Variants in FDFT1 observed in about 807,000 individuals in gnomAD.
FDFT1 encodes the protein farnesyl-diphosphate farnesyltransferase 1, also known as squalene synthase.
Under a neutral mutation model 46.8 loss-of-function variants are expected in FDFT1, and 68 were observed. The observed-to-expected ratio is 1.45, with a 90% CI of 1.19 to 1.78. The LOEUF (loss-of-function observed/expected upper bound fraction) is 1.78. Among genes scored for constraint, FDFT1 ranks in the 40% most tolerant of loss-of-function variants. The pLI, the probability that FDFT1 is intolerant of heterozygous loss-of-function variation, is 0.00. For synonymous variants in FDFT1, 351 were observed against 185.1 expected (o/e 1.90, Z -7.28); for missense variants, 928 against 524.4 (o/e 1.77, Z -7.52).
At position 11,838,372 on chromosome 8, in the gene FDFT1, C is replaced by A. The variant is rs1234031674; in HGVS notation, c.1033-16C>A. On this transcript the variant is annotated splice_polypyrimidine_tract_variant and intron_variant, in intron 7 of 7. Transcript: ENST00000220584. ...AAGCACATAGCACTTATCATTTTTT[C>A]CTGTGTCTTTAACAGATTTATCATA... 6.2e-7 allele frequency: 1 copy of A among 1,600,442 alleles called. No homozygotes were observed. The highest frequency in any genetic ancestry group is 8.6e-7 in the Non-Finnish European group (1 of 1,167,906).
chr8:11,809,847 A>G lies in FDFT1; in HGVS notation c.378A>G (p.Pro126=). ...ATCGCCAGGTGCTGGAGGACTTCCC[A>G]ACGGTGAGTGGGGTTACGCATCTTG... is the stretch of plus-strand genomic sequence containing the variant. The part of the protein sequence containing the change: ...EKDRQVLEDF[P]TISLEFRNLA... Residue 126 remains proline (P), a synonymous_variant, in exon 3 of 8, where the codon CCA becomes CCG. Transcript: ENST00000220584. 1 of 1,611,656 alleles carries G rather than the reference A, an allele frequency of 6.2e-7. No individual in the cohort carries two copies. Among genetic ancestry groups the G allele is most frequent in the Non-Finnish European group, 8.5e-7 (1 of 1,178,246 alleles).
chr8:11,819,296 C>T (rs926146666), intron 3 of FDFT1, among the ~76,000 whole-genome samples: 2 of 152,168 alleles, frequency 1.3e-5, no homozygotes, highest in African/African-American at 4.8e-5. Flanking sequence ...TCCTTCATTT[C>T]AACGTTGGTG....
intron 2 of FDFT1, chr8:11,809,412 A>C: frequency 8.2e-7 from 1 of 1,222,112 alleles, no homozygotes; most frequent in South Asian, 2.6e-5. Flanking sequence ...CATTGGTTAA[A>C]TGCAACTCAC....
chr8:11,825,764 T>C (rs1809882764), intron 4 of FDFT1, among the ~76,000 whole-genome samples: 1 of 152,092 alleles, frequency 6.6e-6, no homozygotes, highest in Non-Finnish European at 1.5e-5. Context: ...TAGCAGTACA[T>C]GTGTATTGTA....
intron 1 of FDFT1, among the ~76,000 whole-genome samples, chr8:11,805,799 C>T (rs1806757446): frequency 6.6e-6 from 1 of 152,186 alleles, no homozygotes; most frequent in South Asian, 2.1e-4. Flanking sequence ...GTTGTATATG[C>T]ATTTTATTGC....
chr8:11,834,940 A>G (rs1228104429), intron 7 of FDFT1, among the ~76,000 whole-genome samples: 3 of 152,172 alleles, frequency 2.0e-5, no homozygotes, highest in Admixed American at 6.5e-5. Flanking sequence ...CCTGGCCAAT[A>G]TGGCAAAACC....
upstream of FDFT1, among the ~76,000 whole-genome samples, chr8:11,800,351 C>T (rs954298363): frequency 1.6e-4 from 24 of 149,708 alleles, no homozygotes; most frequent in African/African-American, 4.2e-4. Context: ...AAAGGGTACA[C>T]TCGCCAGCAG....
At chr8:11,831,024 T>G (rs1276408858) in intron 6 of FDFT1, among the ~76,000 whole-genome samples, 1 of 152,220 alleles carries the variant, frequency 6.6e-6, no homozygotes, top group Non-Finnish European at 1.5e-5. Flanking sequence ...GTCTTATGTT[T>G]CCATTTACCT....
chr8:11,813,435 G>A (rs978237374), intron 3 of FDFT1, among the ~76,000 whole-genome samples: 4 of 152,142 alleles, frequency 2.6e-5, no homozygotes, highest in African/African-American at 9.7e-5. Flanking sequence ...TCGTTTAACA[G>A]GGAAATTACC....
At chr8:11,806,216 C>G (rs376468193) in intron 1 of FDFT1, among the ~76,000 whole-genome samples, 29 of 152,196 alleles carry the variant, frequency 1.9e-4, no homozygotes, top group African/African-American at 7.0e-4. Flanking sequence ...CTGTTTTTCT[C>G]CCGCTTGCGA....
chr8:11,835,194 T>G (rs1442855872), intron 7 of FDFT1, among the ~76,000 whole-genome samples: 6 of 152,208 alleles, frequency 3.9e-5, no homozygotes, highest in Admixed American at 6.5e-5. Context: ...TGACCTGTCC[T>G]TGACAAGCAG....
intron 1 of FDFT1, among the ~76,000 whole-genome samples, chr8:11,806,277 G>A (rs151164525): frequency 2.0e-5 from 3 of 152,260 alleles, no homozygotes; most frequent in Non-Finnish European, 2.9e-5. Flanking sequence ...ACCCAAGAGG[G>A]ACAGGCACCA....
intron 3 of FDFT1, among the ~76,000 whole-genome samples, chr8:11,821,235 G>C (rs529854515): frequency 2.6e-5 from 4 of 152,276 alleles, no homozygotes; most frequent in Admixed American, 2.0e-4. Flanking sequence ...ATCTTCTTTT[G>C]AATCTAGAAA....
At position 11,830,065 on chromosome 8, in the gene FDFT1, C is replaced by A. The variant is rs528714390; in HGVS notation, c.703-179C>A. ...GTTTCACCACCTTGGCCAGGCTGGT[C>A]TTGAACTCCTGACCTCGTGATCCAC... On this transcript the variant is annotated intron_variant, in intron 5 of 7. Transcript: ENST00000220584. Among the ~76,000 whole-genome samples the A allele has an allele frequency of 2.0e-5, 3 of 152,304 alleles. No homozygotes were observed. The East Asian group carries it at 5.8e-4, about 29-fold the overall frequency.
Position 11,808,845 on chromosome 8 carries a change from A to C in FDFT1, c.151A>C (p.Ser51Arg). 1 of 1,614,142 alleles carries C rather than the reference A, an allele frequency of 6.2e-7. No homozygotes were observed. The highest frequency in any genetic ancestry group is 8.5e-7 in the Non-Finnish European group (1 of 1,180,012). The change falls in exon 2 of 8, where the codon AGT becomes CGT. Residue 51 changes from serine (S) to arginine (R), a missense_variant. Physicochemically the swap from Ser to Arg is moderately radical, Grantham distance 110. Coordinates refer to ENST00000220584, the MANE Select transcript of FDFT1 (RefSeq NM_004462.5). ...TTGCTACAAGTATCTCAATCAGACCAGTCGCAGTTTCGCAGCTGTTATCCA... is the reference window on the plus strand; with the variant it reads ...TTGCTACAAGTATCTCAATCAGACCCGTCGCAGTTTCGCAGCTGTTATCCA... ...KTCYKYLNQT[S>R]RSFAAVIQAL...
intron 1 of FDFT1, among the ~76,000 whole-genome samples, chr8:11,804,397 T>G (rs983666364): frequency 6.6e-6 from 1 of 152,150 alleles, no homozygotes; most frequent in African/African-American, 2.4e-5. Context: ...GTATACTGTT[T>G]TTGTACATTT....
intron 7 of FDFT1, among the ~76,000 whole-genome samples, chr8:11,836,211 C>T (rs909729787): frequency 2.0e-5 from 3 of 151,906 alleles, no homozygotes; most frequent in Non-Finnish European, 2.9e-5. Context: ...AAACTATTCT[C>T]AGGGTCATTG....
rs780588513 is a variant in FDFT1 at position 11,831,642 on chromosome 8, A to T, written c.1004A>T (p.Lys335Ile). 3.7e-6 allele frequency: 6 copies of T among 1,614,108 alleles called. No individual in the cohort carries two copies. Among genetic ancestry groups the T allele is most frequent in the Non-Finnish European group, 5.1e-6 (6 of 1,179,902 alleles). Residue 335 changes from lysine to isoleucine, a missense_variant, in exon 7 of 8, where the codon AAA (lysine) becomes ATA (isoleucine). Lys to Ile is a moderately radical substitution (Grantham distance 102, BLOSUM62 -3). Coordinates refer to ENST00000220584, the MANE Select transcript of FDFT1 (RefSeq NM_004462.5). ...GATGCCACCAATATGCCAGCTGTCA[A>T]AGCCATCATATATCAGTATATGGAA... Reference protein sequence around the residue: ...MMDATNMPAVKAIIYQYMEEI... With the variant: ...MMDATNMPAVIAIIYQYMEEI...
chr8:11,808,934 T>G (rs1265411456), intron 2 of FDFT1, 43 bp downstream of exon 2: 1 of 1,596,838 alleles, frequency 6.3e-7, no homozygotes. Context: ...GGAAAGCTTG[T>G]CCGGGACCTT....
Sources: allele counts gnomAD v4.1 joint callset (sites outside exome capture counted in the v4.1 genomes callset), GRCh38; gene constraint gnomAD v4.1.1; transcripts MANE v1.5; gene names NCBI Gene and HGNC (gene_info 2026-07-23, HGNC 2026-07-21).